DLGAP2: variants seen among roughly 807,000 people sequenced by gnomAD.
DLGAP2 encodes the protein DLG associated protein 2, also known as disks large-associated protein 2.
In DLGAP2, 26 loss-of-function variants were observed where a neutral mutation model predicts 100.3. The ratio of observed to expected loss-of-function variants is 0.26; its 90% CI spans 0.19 to 0.36. DLGAP2 has a LOEUF of 0.36. Among genes scored for constraint, DLGAP2 ranks in the 10% least tolerant of loss-of-function variants. DLGAP2 has a pLI of 1.00. For synonymous variants in DLGAP2, 886 were observed against 630.1 expected (o/e 1.41, Z -6.08); for missense variants, 1,858 against 1,453.2 (o/e 1.28, Z -4.53).
At chr8:811,656 G>C (rs1460507673) in intron 1 of DLGAP2, among the ~76,000 whole-genome samples, 3 of 147,274 alleles carry the variant, frequency 2.0e-5, no homozygotes, top group African/African-American at 5.1e-5. Context: ...AACTATCTGG[G>C]GGGCCCTGCC....
intron 2 of DLGAP2, among the ~76,000 whole-genome samples, chr8:1,038,341 T>G (rs896657834): frequency 1.3e-5 from 2 of 152,188 alleles, no homozygotes; most frequent in African/African-American, 4.8e-5. Context: ...CAGGAATGAC[T>G]GTGGGAGCCT....
intron 3 of DLGAP2, among the ~76,000 whole-genome samples, chr8:1,414,284 G>C (rs1584874616): frequency 1.3e-5 from 2 of 152,372 alleles, no homozygotes; most frequent in South Asian, 4.1e-4. Context: ...CCCTGAGCAT[G>C]TGATTGGAGG....
intron 2 of DLGAP2, among the ~76,000 whole-genome samples, chr8:1,190,403 ATCTGCTGTTGGGGC>A (rs1563242237): frequency 1.1e-4 from 4 of 37,380 alleles, no homozygotes; most frequent in Non-Finnish European, 2.7e-4. Flanking sequence ...GGGTCGGGGC[ATCTGCTGTTGGGGC>A]ATCTGCTGTT....
intron 2 of DLGAP2, among the ~76,000 whole-genome samples, chr8:1,208,840 C>G (rs942008826): frequency 2.6e-5 from 4 of 151,252 alleles, no homozygotes; most frequent in African/African-American, 9.7e-5. Context: ...ATCAAGAACT[C>G]CACCCCTTTA....
intron 1 of DLGAP2, among the ~76,000 whole-genome samples, chr8:742,998 G>A (rs1453079517): frequency 6.6e-6 from 1 of 152,106 alleles, no homozygotes; most frequent in Non-Finnish European, 1.5e-5. Flanking sequence ...TACAATTGAG[G>A]CCTACTTTGA....
chr8:786,284 C>T (rs1287505328), intron 1 of DLGAP2, among the ~76,000 whole-genome samples: 1 of 152,126 alleles, frequency 6.6e-6, no homozygotes, highest in Admixed American at 6.5e-5. Flanking sequence ...TGCAGTTGGT[C>T]CATGGAGCTG....
At chr8:1,532,949 T>C (rs1214779084) in intron 4 of DLGAP2, among the ~76,000 whole-genome samples, 2 of 152,108 alleles carry the variant, frequency 1.3e-5, no homozygotes, top group Non-Finnish European at 2.9e-5. Context: ...CACGGTGAAA[T>C]CACACCTTTG....
At chr8:1,087,466 G>T (rs1804012407) in intron 2 of DLGAP2, among the ~76,000 whole-genome samples, 1 of 151,856 alleles carries the variant, frequency 6.6e-6, no homozygotes, top group Admixed American at 6.5e-5. Context: ...TGTGACTCTT[G>T]CAGTATTTGG....
intron 9 of DLGAP2, among the ~76,000 whole-genome samples, chr8:1,669,269 C>T (rs967275196): frequency 1.3e-5 from 2 of 152,172 alleles, no homozygotes; most frequent in African/African-American, 2.4e-5. Flanking sequence ...TCCATCTGGG[C>T]CCCCAGATGT....
intron 3 of DLGAP2, among the ~76,000 whole-genome samples, chr8:1,454,216 C>T (rs903532707): frequency 3.9e-5 from 6 of 152,174 alleles, no homozygotes; most frequent in East Asian, 1.9e-4. Flanking sequence ...CACAGCCGCC[C>T]GGCAGGATGT....
chr8:1,215,483 G>T (rs1419337938), intron 2 of DLGAP2, among the ~76,000 whole-genome samples: 14 of 89,908 alleles, frequency 1.6e-4, no homozygotes, highest in Admixed American at 2.3e-4. Flanking sequence ...CAGGTACCTG[G>T]ATGGGTTCAT....
chr8:1,257,421 C>G (rs1057046275), intron 2 of DLGAP2, among the ~76,000 whole-genome samples: 2 of 152,184 alleles, frequency 1.3e-5, no homozygotes, highest in African/African-American at 4.8e-5. Flanking sequence ...GCTCACCTCT[C>G]TGCCTGCCCC....
intron 2 of DLGAP2, among the ~76,000 whole-genome samples, chr8:1,159,683 C>T (rs1178397965): frequency 6.6e-6 from 1 of 152,238 alleles, no homozygotes; most frequent in Non-Finnish European, 1.5e-5. Context: ...ATTTTATATA[C>T]ATTTTCATTC....
At chr8:823,643 G>T (rs1201684251) in intron 1 of DLGAP2, among the ~76,000 whole-genome samples, 1 of 152,118 alleles carries the variant, frequency 6.6e-6, no homozygotes, top group Non-Finnish European at 1.5e-5. Flanking sequence ...GCAGGGATGT[G>T]TGGGTGTCAG....
intron 3 of DLGAP2, among the ~76,000 whole-genome samples, chr8:1,463,921 C>G (rs949560009): frequency 1.3e-5 from 2 of 152,144 alleles, no homozygotes; most frequent in African/African-American, 4.8e-5. Flanking sequence ...TCCTGGGACA[C>G]GTGGAGCTTT....
At position 1,410,782 on chromosome 8, in the gene DLGAP2, G is replaced by T. The variant is rs548398594; in HGVS notation, c.107-90584G>T. ...GTTTTCTTGTTCAGGAATTTTCCCA[G>T]ATTATGGCCACCTTTCCCTGTGGGA... On this transcript the variant is annotated intron_variant, in intron 3 of 14. Transcript: ENST00000637795. Among the ~76,000 whole-genome samples, 535 of 151,412 alleles carry T rather than the reference G, an allele frequency of 3.5e-3. 2 individuals are homozygous for T. Among genetic ancestry groups the T allele is most frequent in the African/African-American group, 0.013 (520 of 41,300 alleles).
At chr8:1,380,276 G>A (rs1208002778) in intron 3 of DLGAP2, 1 of 152,202 alleles carries the variant, frequency 6.6e-6, no homozygotes, top group Non-Finnish European at 1.5e-5. Context: ...CTGTGCGTGT[G>A]GGGCTGCTGG....
chr8:905,981 T>G (rs1211864028), intron 1 of DLGAP2, among the ~76,000 whole-genome samples: 1 of 152,250 alleles, frequency 6.6e-6, no homozygotes, highest in Non-Finnish European at 1.5e-5. Flanking sequence ...TTATTCCCGC[T>G]TCTTCAAGAC....
At chr8:1,538,843 C>A (rs1801249669) in intron 4 of DLGAP2, among the ~76,000 whole-genome samples, 1 of 151,766 alleles carries the variant, frequency 6.6e-6, no homozygotes, top group African/African-American at 2.4e-5. Context: ...CAGATCCCCA[C>A]CCTGAGGCAC....
Sources: gnomAD v4.1 joint callset for allele counts (sites outside exome capture counted in the v4.1 genomes callset) on GRCh38, gnomAD v4.1.1 for gene constraint, MANE v1.5 for transcripts, NCBI Gene and HGNC (gene_info 2026-07-23, HGNC 2026-07-21) for gene names.